Variants in NDRG1 observed in about 807,000 individuals in gnomAD.
The protein encoded by NDRG1 is N-myc downstream regulated 1.
A neutral mutation model predicts 56.9 loss-of-function variants in NDRG1; 32 were observed. That is an observed-to-expected ratio of 0.56 (90% CI 0.42 to 0.76). The LOEUF (loss-of-function observed/expected upper bound fraction) is 0.76. Among genes scored for constraint, NDRG1 ranks in the 30% least tolerant of loss-of-function variants. The pLI is 0.00. For missense variants in NDRG1, 507 were observed against 545.7 expected (o/e 0.93, Z 0.71); for synonymous variants, 211 against 204.1 (o/e 1.03, Z -0.29).
At chr8:133,258,970 T>C (rs1856525903) in intron 6 of NDRG1, 198 bp downstream of exon 6, 1 of 653,044 alleles carries the variant, frequency 1.5e-6, no homozygotes, top group Non-Finnish European at 2.7e-6. Flanking sequence ...AGAGGAAAAC[T>C]GAAGTTAGAG....
At chr8:133,246,147 G>A (rs1855666346) in intron 13 of NDRG1, among the ~76,000 whole-genome samples, 2 of 152,264 alleles carry the variant, frequency 1.3e-5, no homozygotes, top group Admixed American at 6.5e-5. Context: ...TGTGCAATCA[G>A]TCATAACTGG....
At chr8:133,259,853 C>T (rs1184979333) in intron 5 of NDRG1, among the ~76,000 whole-genome samples, 1 of 152,156 alleles carries the variant, frequency 6.6e-6, no homozygotes, top group Non-Finnish European at 1.5e-5. Context: ...CCTATCGAAA[C>T]AGAGACCTGC....
intron 13 of NDRG1, among the ~76,000 whole-genome samples, chr8:133,245,462 CTGA>C (rs1855620939): frequency 6.6e-6 from 1 of 152,074 alleles, no homozygotes; most frequent in Admixed American, 6.5e-5. Context: ...AAGCTAACGG[CTGA>C]TGTTATTAAA....
chr8:133,290,041 G>A (rs995855657), intron 1 of NDRG1, among the ~76,000 whole-genome samples: 1 of 152,184 alleles, frequency 6.6e-6, no homozygotes, highest in African/African-American at 2.4e-5. Flanking sequence ...CCAAGGCCCT[G>A]CCAGGCTCAG....
rs1288867236 is a variant in NDRG1 at position 133,238,709 on chromosome 8, C to A, written c.*169G>T. On this transcript the variant is annotated 3_prime_UTR_variant, in exon 16 of 16. Transcript: ENST00000323851. ...ACCGCCACCCCGCCTTTGGAGAGGG[C>A]ACCCACGTAATAGACCTCATTTGTC... is the stretch of plus-strand genomic sequence containing the variant. The A allele has an allele frequency of 8.6e-6, 7 of 816,500 alleles. No homozygotes were observed. The East Asian group carries it at 1.4e-4, about 16-fold the overall frequency. 50.6% of individuals were successfully genotyped at this position (816,500 alleles called of 1,614,324 possible).
intron 2 of NDRG1, among the ~76,000 whole-genome samples, chr8:133,282,704 A>G (rs1469713670): frequency 6.6e-6 from 1 of 152,256 alleles, no homozygotes; most frequent in Non-Finnish European, 1.5e-5. Flanking sequence ...CACATTAAGT[A>G]CATTCACTTG....
Position 133,262,030 on chromosome 8 carries a change from G to A in NDRG1, c.326+17C>T. On this transcript the variant is annotated intron_variant, in intron 5 of 15. Coordinates refer to ENST00000323851, the MANE Select transcript of NDRG1 (RefSeq NM_006096.4). ...AGTTTCCACCCTGTAGAGCTCATAGGGCAAGAGGCCTCTCACCCTGCGGGG... is the reference window on the plus strand; with the variant it reads ...AGTTTCCACCCTGTAGAGCTCATAGAGCAAGAGGCCTCTCACCCTGCGGGG... The A allele has an allele frequency of 6.2e-7, 1 of 1,605,720 alleles. No homozygotes were observed. Among genetic ancestry groups the A allele is most frequent in the Non-Finnish European group, 8.5e-7 (1 of 1,175,684 alleles).
At chr8:133,296,731 A>ACACC in intron 1 of NDRG1, 1 of 269,254 alleles carries the variant, frequency 3.7e-6, no homozygotes. Flanking sequence ...ACACACACAC[A>ACACC]CTCACCTAGT....
At chr8:133,261,736 G>T (rs961338295) in intron 5 of NDRG1, among the ~76,000 whole-genome samples, 3 of 152,186 alleles carry the variant, frequency 2.0e-5, no homozygotes, top group Non-Finnish European at 4.4e-5. Flanking sequence ...AAGGCTGGGG[G>T]AATGGGGAGA....
chr8:133,275,300 A>AT (rs1372846466), intron 3 of NDRG1, among the ~76,000 whole-genome samples: 2 of 152,104 alleles, frequency 1.3e-5, no homozygotes, highest in Non-Finnish European at 2.9e-5. Flanking sequence ...TTAGACAAAG[A>AT]TTTTCTTTTG....
In NDRG1 at chr8:133,238,351, T is replaced by A. The variant is rs1855174769; in HGVS notation, c.*527A>T. 4.3e-6 allele frequency: 1 copy of A among 234,768 alleles called. No individual in the cohort carries two copies. Among genetic ancestry groups the A allele is most frequent in the South Asian group, 1.8e-4 (1 of 5,588 alleles). 14.5% of individuals were successfully genotyped at this position (234,768 alleles called of 1,614,324 possible). A position where few individuals can be genotyped will look rare whatever the true frequency, so the allele number is the denominator to read the frequency against. The stretch of plus-strand genomic sequence containing the variant: ...CTAGCCTCGACATGAATCCCACCTT[T>A]TCCCCCTTCCTGTTTTGCCTGTTTA... On this transcript the variant is annotated 3_prime_UTR_variant, in exon 16 of 16. Transcript: ENST00000323851.
intron 3 of NDRG1, among the ~76,000 whole-genome samples, chr8:133,271,849 TGTG>T (rs1857207291): frequency 5.7e-5 from 1 of 17,530 alleles, no homozygotes; most frequent in East Asian, 0.5. Context: ...CCAGGGGAGG[TGTG>T]TGTGTAGCCA....
At chr8:133,282,476 G>C (rs766392328) in intron 2 of NDRG1, among the ~76,000 whole-genome samples, 1 of 152,210 alleles carries the variant, frequency 6.6e-6, no homozygotes, top group Non-Finnish European at 1.5e-5. Context: ...AGTGAATAAA[G>C]CAAAGTGTGG....
intron 1 of NDRG1, chr8:133,296,791 G>C (rs1858800734): frequency 4.4e-6 from 1 of 225,102 alleles, no homozygotes; most frequent in African/African-American, 2.3e-5. Context: ...GCGCCAGCTG[G>C]GATTCGGAGA....
intron 3 of NDRG1, among the ~76,000 whole-genome samples, chr8:133,276,435 G>C (rs368664178): frequency 3.3e-5 from 5 of 152,164 alleles, no homozygotes; most frequent in African/African-American, 1.2e-4. Flanking sequence ...GATAGGGTTT[G>C]GCTGTGTCCC....
intron 1 of NDRG1, among the ~76,000 whole-genome samples, chr8:133,293,364 T>C (rs971988707): frequency 2.0e-5 from 3 of 152,162 alleles, no homozygotes; most frequent in African/African-American, 7.2e-5. Context: ...TCTCAAAAGG[T>C]GGGCCCAGAG....
chr8:133,248,630 C>T (rs1009214215), intron 11 of NDRG1, 85 bp downstream of exon 11: 17 of 1,471,892 alleles, frequency 1.2e-5, no homozygotes, highest in Middle Eastern at 1.7e-4. Context: ...TCCTGCCACA[C>T]TCAGAAAGAA....
rs1855205986 is a variant in NDRG1, at chr8:133,238,824, A to G, written c.*54T>C. On this transcript the variant is annotated 3_prime_UTR_variant, in exon 16 of 16. Coordinates refer to ENST00000323851, the MANE Select transcript of NDRG1 (RefSeq NM_006096.4). ...GGCAGGGGGCGAAAAGGGGCCGGGGAGGAGGGGGCCACTACAGAGATCAGA... is the reference window on the plus strand; with the variant it reads ...GGCAGGGGGCGAAAAGGGGCCGGGGGGGAGGGGGCCACTACAGAGATCAGA... 7.2e-6 allele frequency: 11 copies of G among 1,520,852 alleles called. No individual in the cohort carries two copies. Among genetic ancestry groups the G allele is most frequent in the Non-Finnish European group, 9.7e-6 (11 of 1,137,204 alleles). 94.2% of individuals were successfully genotyped at this position (1,520,852 alleles called of 1,614,324 possible).
At position 133,295,589 on chromosome 8, in the gene NDRG1, C is replaced by G. The variant is rs541135512; in HGVS notation, c.-19+1545G>C. 2.0e-5 allele frequency among the ~76,000 whole-genome samples: 3 copies of G among 152,368 alleles called. No individual in the cohort carries two copies. In the South Asian group the frequency reaches 6.2e-4, roughly 32 times the overall value. On this transcript the variant is annotated intron_variant, in intron 1 of 15. Coordinates refer to ENST00000323851, the MANE Select transcript of NDRG1 (RefSeq NM_006096.4). ...GCGCTGGGGTTTGCCCCCTCTGTACCTTGCTTATTTCAATCACATTTGTGA... is the reference window on the plus strand; with the variant it reads ...GCGCTGGGGTTTGCCCCCTCTGTACGTTGCTTATTTCAATCACATTTGTGA...
Sources: gnomAD v4.1 joint callset for allele counts (sites outside exome capture counted in the v4.1 genomes callset) on GRCh38, gnomAD v4.1.1 for gene constraint, MANE v1.5 for transcripts, NCBI Gene and HGNC (gene_info 2026-07-23, HGNC 2026-07-21) for gene names.